Variants in DNHD1 observed in about 807,000 individuals in gnomAD.
DNHD1 encodes dynein heavy chain domain-containing protein 1.
Under a neutral mutation model 458.1 loss-of-function variants are expected in DNHD1, and 383 were observed. That is an observed-to-expected ratio of 0.84 (90% confidence interval 0.77 to 0.91). The LOEUF is 0.91. Among genes scored for constraint, DNHD1 ranks in the 40% least tolerant of loss-of-function variants. The probability of loss-of-function intolerance (pLI) is 0.00; values close to 1 mark genes in which losing one functional copy is unlikely to be tolerated. For synonymous variants in DNHD1, 2,203 were observed against 2,376.9 expected, an observed-to-expected ratio of 0.93 and a Z score of 2.13; for missense variants, 5,336 against 5,866.1, an observed-to-expected ratio of 0.91 and a Z score of 2.95.
chr11:6,539,730 T>C, intron 17 of DNHD1, 146 bp from the exon 18 acceptor site: 1 of 728,704 alleles, frequency 1.4e-6, no homozygotes, highest in Non-Finnish European at 2.3e-6. Flanking sequence ...AGCCTGATGG[T>C]CCCACTCTCG....
At position 6,567,029 on chromosome 11, in the gene DNHD1, A is replaced by G; in HGVS notation, c.11520A>G (p.Lys3840=). ...RAHCEELEGQ[K]LQEMVLWAPY... ...ATTGTGAAGAGTTAGAAGGGCAGAA[A>G]CTACAGGAGATGGTATTGTGGGCAC... Residue 3840 remains lysine, a synonymous_variant, in exon 36 of 43, where the codon AAA becomes AAG. Transcript: ENST00000254579. 1 of 1,614,002 alleles carries G rather than the reference A, an allele frequency of 6.2e-7. No homozygotes were observed. The highest frequency in any genetic ancestry group is 1.1e-5 in the South Asian group (1 of 91,090).
intron 24 of DNHD1, among the ~76,000 whole-genome samples, chr11:6,549,860 T>A (rs1239168289): frequency 6.6e-6 from 1 of 152,200 alleles, no homozygotes; most frequent in Non-Finnish European, 1.5e-5. Context: ...GAGAAAAATC[T>A]TGATAAAAAT....
Position 6,498,894 on chromosome 11 carries a change from C to G in DNHD1, c.679C>G (p.Pro227Ala). ...LLPLALAADI[P>A]VRYESSDTDN... ...TCCCTTGGCACTGGCAGCGGACATC[C>G]CTGTACGGTATGAAAGCAGTGACAC... The change falls in exon 3 of 43, where the codon CCT becomes GCT. Residue 227 changes from proline (P) to alanine (A), a missense_variant. By Grantham distance (27) the Pro-to-Ala change is conservative. Coordinates refer to ENST00000254579, the MANE Select transcript of DNHD1 (RefSeq NM_144666.3). 1 of 1,614,092 alleles carries G rather than the reference C, an allele frequency of 6.2e-7. No homozygotes were observed. Among genetic ancestry groups the G allele is most frequent in the African/African-American group, 1.3e-5 (1 of 75,042 alleles).
At chr11:6,559,379 C>T in intron 28 of DNHD1, 96 bp downstream of exon 28, 1 of 1,029,296 alleles carries the variant, frequency 9.7e-7, no homozygotes, top group Non-Finnish European at 1.4e-6. Context: ...TAATTCTTGT[C>T]CCCCTAAGCT....
rs754033805 is a variant in DNHD1, at chr11:6,571,827, C to G, written c.14103C>G (p.Asp4701Glu). ...PGTSDLPAPA[D>E]LTVYSCPVYM... Reference sequence around the variant, plus strand: ...CCAGTGACCTGCCAGCCCCAGCCGACCTGACTGTGTACTCGTGTCCTGTGT... The same window carrying G: ...CCAGTGACCTGCCAGCCCCAGCCGAGCTGACTGTGTACTCGTGTCCTGTGT... The change falls in exon 43 of 43, where the codon GAC becomes GAG. Residue 4701 changes from aspartate (D) to glutamate (E), a missense_variant. Coordinates refer to ENST00000254579, the MANE Select transcript of DNHD1 (RefSeq NM_144666.3). The surrounding 1 kb of genome is among the most constrained non-coding windows in gnomAD (Gnocchi z 5.0). 2 of 1,613,908 alleles carry G rather than the reference C, an allele frequency of 1.2e-6. No individual in the cohort carries two copies. Among genetic ancestry groups the G allele is most frequent in the Admixed American group, 1.7e-5 (1 of 60,006 alleles).
chr11:6,547,427 CCCTT>C lies in DNHD1; in HGVS notation c.6493_6496del (p.Pro2165MetfsTer69), dbSNP rs1409596436. ...TGTATACTTAGTGCCCTGATGGCAT[CCCTT>C]CCTTATGAGTACCGCCTGCAGCACC... On this transcript the variant is annotated frameshift_variant, in exon 21 of 43. Coordinates refer to ENST00000254579, the MANE Select transcript of DNHD1 (RefSeq NM_144666.3). LOFTEE classifies it high-confidence loss of function. 1 of 1,551,712 alleles carries C rather than the reference CCCTT, an allele frequency of 6.4e-7. No individual in the cohort carries two copies. The highest frequency in any genetic ancestry group is 1.4e-5 in the African/African-American group (1 of 73,168).
chr11:6,502,706 T>C (rs1827073290), intron 3 of DNHD1, 47 bp from the exon 4 acceptor site: 2 of 1,525,478 alleles, frequency 1.3e-6, no homozygotes, highest in South Asian at 2.6e-5. Context: ...TCTAAGGTAC[T>C]TGACCTTTTT....
chr11:6,561,078 G>A (rs918393139), intron 28 of DNHD1, among the ~76,000 whole-genome samples: 1 of 152,126 alleles, frequency 6.6e-6, no homozygotes, highest in Non-Finnish European at 1.5e-5. Flanking sequence ...GATTAAACAA[G>A]ATCTTACATG....
In DNHD1 at chr11:6,557,268, G is replaced by A. The variant is rs568063168; in HGVS notation, c.7973G>A (p.Arg2658Gln). The A allele has an allele frequency of 1.7e-4, 266 of 1,551,548 alleles. No individual in the cohort carries two copies. The highest frequency in any genetic ancestry group is 9.8e-4 in the South Asian group (82 of 84,068). Residue 2658 changes from arginine (R) to glutamine (Q), a missense_variant, in exon 25 of 43, where the codon CGG (arginine) becomes CAG (glutamine). Physicochemically the swap from Arg to Gln is conservative, Grantham distance 43. Around this residue, in one of 4 missense-constraint regions of DNHD1, gnomAD observed 3,932 missense variants for 4,365.6 expected, o/e 0.90. Coordinates refer to ENST00000254579, the MANE Select transcript of DNHD1 (RefSeq NM_144666.3). ...LHEAQRTFCD[R>Q]LDSPRERSYC... ...GAGGCACAGAGAACCTTTTGCGACC[G>A]GCTGGACAGCCCCAGGGAACGCTCC...
At chr11:6,512,547 G>A (rs182163871) in intron 7 of DNHD1, among the ~76,000 whole-genome samples, 268 of 152,196 alleles carry the variant, frequency 1.8e-3, no homozygotes, top group African/African-American at 6.2e-3. Context: ...CTGTTCCTAG[G>A]AGGAACCAAT....
intron 12 of DNHD1, among the ~76,000 whole-genome samples, chr11:6,530,406 T>C (rs918744495): frequency 1.3e-5 from 2 of 152,238 alleles, no homozygotes; most frequent in African/African-American, 4.8e-5. Context: ...TACTAGCTAG[T>C]GCCTCAGCCT....
rs1430805785 is a variant in DNHD1 at position 6,570,848 on chromosome 11, G to A, written c.13336G>A (p.Val4446Ile). ...GCGACTGCGGCAACGCCTAGTGCAA[G>A]TCAACCGGAGGCTGGAGTCACTGCA... ...ERRLRQRLVQVNRRLESLQDL... is the reference protein window; with the variant it reads ...ERRLRQRLVQINRRLESLQDL... The change falls in exon 42 of 43, where the codon GTC becomes ATC. Residue 4446 changes from valine to isoleucine, a missense_variant. Around this residue, in one of 4 missense-constraint regions of DNHD1, gnomAD observed 698 missense variants for 664.9 expected, o/e 1.05. Transcript: ENST00000254579. 1.2e-6 allele frequency: 2 copies of A among 1,613,946 alleles called. No homozygotes were observed. Among genetic ancestry groups the A allele is most frequent in the African/African-American group, 1.3e-5 (1 of 74,956 alleles).
chr11:6,501,179 G>A (rs1852126665), intron 3 of DNHD1, among the ~76,000 whole-genome samples: 1 of 152,166 alleles, frequency 6.6e-6, no homozygotes, highest in South Asian at 2.1e-4. Context: ...GTGGTGCATT[G>A]AGGAGTGAAT....
chr11:6,560,259 A>T lies in DNHD1; in HGVS notation c.9519+976A>T, dbSNP rs113750681. Among the ~76,000 whole-genome samples, 1,494 of 152,250 alleles carry T rather than the reference A, an allele frequency of 9.8e-3. 16 individuals carry two copies. The highest frequency in any genetic ancestry group is 0.06 in the South Asian group (288 of 4,824). On this transcript the variant is annotated intron_variant, in intron 28 of 42. Transcript: ENST00000254579. ...GGGTTTCAGGTCTTAAGCTCCTAAT[A>T]CCTAGCCAGCTCTTCTGATAAGTGC...
In DNHD1 at chr11:6,551,941, C is replaced by CA. The variant is rs1385986977; in HGVS notation, c.7387+3019dup. Among the ~76,000 whole-genome samples, 136 of 117,686 alleles carry CA rather than the reference C, an allele frequency of 1.2e-3. 1 individual carries two copies. Among genetic ancestry groups the CA allele is most frequent in the East Asian group, 1.7e-3 (7 of 4,198 alleles). 77.2% of individuals were successfully genotyped at this position (117,686 alleles called of 152,430 possible). ...TGGTGACAGAGCGAGACTCCGTCTC[C>CA]AAAAAAAAAAAGGGGAGCCAGGCAT... is the stretch of plus-strand genomic sequence containing the variant. On this transcript the variant is annotated intron_variant, in intron 24 of 42. Coordinates refer to ENST00000254579, the MANE Select transcript of DNHD1 (RefSeq NM_144666.3).
Position 6,571,144 on chromosome 11 carries a change from T to C in DNHD1, c.13632T>C (p.Gly4544=). ...PLPWRPHAPA[G]PQPPWHWLRQ... ...CTTGGCGACCTCATGCGCCGGCCGG[T>C]CCGCAGCCGCCCTGGCACTGGCTGC... Residue 4544 remains glycine (G), a synonymous_variant, in exon 42 of 43, where the codon GGT becomes GGC. Coordinates refer to ENST00000254579, the MANE Select transcript of DNHD1 (RefSeq NM_144666.3). This position sits in a 1 kb window ranked among gnomAD's most constrained non-coding sequence, Gnocchi z 5.0. The C allele has an allele frequency of 6.2e-7, 1 of 1,601,478 alleles. No homozygotes were observed. The highest frequency in any genetic ancestry group is 8.5e-7 in the Non-Finnish European group (1 of 1,175,502).
At position 6,498,176 on chromosome 11, in the gene DNHD1, G is replaced by A; in HGVS notation, c.-40G>A. 1 of 1,580,180 alleles carries A rather than the reference G, an allele frequency of 6.3e-7. No individual in the cohort carries two copies. Among genetic ancestry groups the A allele is most frequent in the Non-Finnish European group, 8.6e-7 (1 of 1,161,478 alleles). On this transcript the variant is annotated 5_prime_UTR_variant, in exon 3 of 43. Coordinates refer to ENST00000254579, the MANE Select transcript of DNHD1 (RefSeq NM_144666.3). ...ACTGGCAGTTGGAGCCTGAGCTATG[G>A]GCAAGGTCACTTCGACAGCAGTTGA... is the stretch of plus-strand genomic sequence containing the variant.
chr11:6,516,122 A>T (rs982850947), intron 7 of DNHD1, among the ~76,000 whole-genome samples: 1 of 151,874 alleles, frequency 6.6e-6, no homozygotes, highest in African/African-American at 2.4e-5. Context: ...ATTGTCTTTC[A>T]GTTTCTGAGA....
chr11:6,565,574 A>C, intron 32 of DNHD1, 121 bp from the exon 33 acceptor site: 1 of 1,121,278 alleles, frequency 8.9e-7, no homozygotes, highest in Non-Finnish European at 1.2e-6. Flanking sequence ...AGCTTAAGCA[A>C]CTTTCCTAAG....
Sources: allele counts gnomAD v4.1 joint callset (sites outside exome capture counted in the v4.1 genomes callset), GRCh38; gene constraint gnomAD v4.1.1; regional missense constraint gnomAD v4.1.1; non-coding constraint Gnocchi (gnomAD v3.1); transcripts MANE v1.5; gene names NCBI Gene and HGNC (gene_info 2026-07-23, HGNC 2026-07-21).